KANK2: variants seen among roughly 807,000 people sequenced by gnomAD.
KANK2 encodes the protein KN motif and ankyrin repeat domain-containing protein 2.
A neutral mutation model predicts 74.6 loss-of-function variants in KANK2; 41 were observed. That is an observed-to-expected ratio of 0.55 (90% CI 0.43 to 0.71). The LOEUF (loss-of-function observed/expected upper bound fraction) is 0.71. KANK2 is among the 30% of genes least tolerant of loss of function. The pLI is 0.00. For synonymous variants in KANK2, 537 were observed against 519.0 expected, an observed-to-expected ratio of 1.03 and a Z score of -0.47; for missense variants, 1,148 against 1,196.4, an observed-to-expected ratio of 0.96 and a Z score of 0.60.
At position 11,170,350 on chromosome 19, in the gene KANK2, A is replaced by C. The variant is rs552789510; in HGVS notation, c.2212-102T>G. The stretch of plus-strand genomic sequence containing the variant: ...AGCTCCCACATACTCTGATGGTGAA[A>C]TGTACCCTCAACTTGCTGATCTCCT... On this transcript the variant is annotated intron_variant, in intron 10 of 12. Transcript: ENST00000586659. The surrounding 1 kb of genome is among the most constrained non-coding windows in gnomAD (Gnocchi z 5.2). 6.9e-6 allele frequency: 6 copies of C among 869,818 alleles called. No individual in the cohort carries two copies. The East Asian group carries it at 7.7e-5, about 11-fold the overall frequency. 53.9% of individuals were successfully genotyped at this position (869,818 alleles called of 1,614,324 possible). A position where few individuals can be genotyped will look rare whatever the true frequency, so the allele number is the denominator to read the frequency against.
At chr19:11,169,678 G>A in intron 12 of KANK2, 199 bp downstream of exon 12, 1 of 600,088 alleles carries the variant, frequency 1.7e-6, no homozygotes, top group African/African-American at 1.9e-5. Context: ...GTGCACACCT[G>A]TTATCCCAGC....
chr19:11,167,658 T>G (rs767308320), intron 12 of KANK2, among the ~76,000 whole-genome samples: 7 of 151,578 alleles, frequency 4.6e-5, no homozygotes, highest in East Asian at 3.9e-4. Flanking sequence ...CTCCCGAGTA[T>G]CTGGGATTAC....
At chr19:11,178,490 G>T in intron 5 of KANK2, 43 bp from the exon 6 acceptor site, 1 of 1,600,466 alleles carries the variant, frequency 6.2e-7, no homozygotes, top group Non-Finnish European at 8.5e-7. Flanking sequence ...GTCCTTCAGG[G>T]CCAGACTCCG....
intron 10 of KANK2, among the ~76,000 whole-genome samples, chr19:11,171,877 T>A (rs1476507565): frequency 6.7e-6 from 1 of 150,060 alleles, no homozygotes; most frequent in Admixed American, 6.7e-5. Context: ...GGTTTCACCA[T>A]GTTGATTAGG....
intron 6 of KANK2, 63 bp downstream of exon 6, chr19:11,178,282 T>A: frequency 8.8e-7 from 1 of 1,133,440 alleles, no homozygotes; most frequent in Non-Finnish European, 1.1e-6. Context: ...GAGGCTCTCG[T>A]GCGTGGATGA....
At position 11,164,978 on chromosome 19, in the gene KANK2, G is replaced by A. The variant is rs1218490717; in HGVS notation, c.*1580C>T. The A allele has an allele frequency of 6.6e-6, 1 of 152,124 alleles. No individual in the cohort carries two copies. Among genetic ancestry groups the A allele is most frequent in the African/African-American group, 2.4e-5 (1 of 41,412 alleles). 9.4% of individuals were successfully genotyped at this position (152,124 alleles called of 1,614,324 possible). A position where few individuals can be genotyped will look rare whatever the true frequency, so the allele number is the denominator to read the frequency against. On this transcript the variant is annotated 3_prime_UTR_variant, in exon 13 of 13. Transcript: ENST00000586659. Reference sequence around the variant, plus strand: ...GAGGCTGAGCTCACTGGCCTCGAAAGGGCAGCGCGCGTATTTGGTTTGGAG... The same window carrying A: ...GAGGCTGAGCTCACTGGCCTCGAAAAGGCAGCGCGCGTATTTGGTTTGGAG...
Position 11,193,085 on chromosome 19 carries a change from A to C in KANK2, c.995T>G (p.Val332Gly). ...CTCCACCTCCCGTGGCCCTTCTACC[A>C]CCCGGACTGTATCCACGCGGACCGG... The part of the protein sequence containing the change: ...DSPVRVDTVR[V>G]VEGPREVEVV... Residue 332 changes from valine (V) to glycine (G), a missense_variant, in exon 4 of 13, where the codon GTG becomes GGG. Val to Gly is a moderately radical substitution (Grantham distance 109). Coordinates refer to ENST00000586659, the MANE Select transcript of KANK2 (RefSeq NM_001136191.3). This position sits in a 1 kb window ranked among gnomAD's most constrained non-coding sequence, Gnocchi z 9.6. 1 of 1,608,350 alleles carries C rather than the reference A, an allele frequency of 6.2e-7. No individual in the cohort carries two copies. The highest frequency in any genetic ancestry group is 8.5e-7 in the Non-Finnish European group (1 of 1,177,686).
Position 11,176,588 on chromosome 19 carries a change from C to A in KANK2, c.1750G>T (p.Glu584Ter), listed in dbSNP as rs554030151. Residue 584 changes from glutamate to a stop codon, truncating the protein, a stop_gained, in exon 7 of 13, where the codon GAG becomes TAG. Coordinates refer to ENST00000586659, the MANE Select transcript of KANK2 (RefSeq NM_001136191.3). LOFTEE classifies it high-confidence loss of function. ...ACCCAGAAAACTGACCTGATCTCCTCCTCCGTGTTTGATCCTGATGCCCCC... is the reference window on the plus strand; with the variant it reads ...ACCCAGAAAACTGACCTGATCTCCTACTCCGTGTTTGATCCTGATGCCCCC... ...AEGASGSNTE[E>*]EIRMELSPDL... 2.5e-6 allele frequency: 4 copies of A among 1,588,030 alleles called. No individual in the cohort carries two copies. Among genetic ancestry groups the A allele is most frequent in the Non-Finnish European group, 3.4e-6 (4 of 1,164,618 alleles).
At position 11,176,046 on chromosome 19, in the gene KANK2, G is replaced by A. The variant is rs577807292; in HGVS notation, c.1761-57C>T. 3 of 1,377,682 alleles carry A rather than the reference G, an allele frequency of 2.2e-6. No homozygotes were observed. In the African/African-American group the frequency reaches 4.3e-5, roughly 20 times the overall value. The allele number at this position is 1,377,682 out of a possible 1,614,324, so 85.3% of individuals were successfully genotyped here. A position where few individuals can be genotyped will look rare whatever the true frequency, so the allele number is the denominator to read the frequency against. On this transcript the variant is annotated intron_variant, in intron 7 of 12. Transcript: ENST00000586659. Reference sequence around the variant, plus strand: ...TAAGCCCCGCTGCGGTGCCTGGGAAGGGACTTGACATTCTGCACCACGTCA... The same window carrying A: ...TAAGCCCCGCTGCGGTGCCTGGGAAAGGACTTGACATTCTGCACCACGTCA...
rs372653569 is a variant in KANK2, at chr19:11,169,863, G to A, written c.2502+14C>T. On this transcript the variant is annotated intron_variant, in intron 12 of 12. Coordinates refer to ENST00000586659, the MANE Select transcript of KANK2 (RefSeq NM_001136191.3). ...CCACCCATCCCGTGCCTACCCGGCCGGATTGAGACTCACCGAGCACTTGAT... is the reference window on the plus strand; with the variant it reads ...CCACCCATCCCGTGCCTACCCGGCCAGATTGAGACTCACCGAGCACTTGAT... 2.4e-5 allele frequency: 39 copies of A among 1,609,212 alleles called. No individual in the cohort carries two copies. Among genetic ancestry groups the A allele is most frequent in the Middle Eastern group, 1.6e-4 (1 of 6,082 alleles).
chr19:11,172,328 A>G (rs2078201102), intron 10 of KANK2, among the ~76,000 whole-genome samples: 1 of 152,150 alleles, frequency 6.6e-6, no homozygotes, highest in African/African-American at 2.4e-5. Flanking sequence ...AATTAAAACA[A>G]AATTAAATCA....
At chr19:11,192,431 C>CTTTTTTTTTTT (rs34285924) in intron 4 of KANK2, 1 of 156,538 alleles carries the variant, frequency 6.4e-6, no homozygotes, top group Non-Finnish European at 1.2e-5. Context: ...CCTTGGCATT[C>CTTTTTTTTTTT]TTTTTTTTTT....
Position 11,185,413 on chromosome 19 carries a change from T to G in KANK2, c.1250-6693A>C, listed in dbSNP as rs140907795. 7.0e-4 allele frequency among the ~76,000 whole-genome samples: 105 copies of G among 149,438 alleles called. 4 individuals are homozygous for G. The Middle Eastern group carries it at 0.014, about 20-fold the overall frequency. ...CCAGGCTGGTCTCAAACTCCTGGCCTCAAGTGATCCTTCTGCCTTGGCCTC... is the reference window on the plus strand; with the variant it reads ...CCAGGCTGGTCTCAAACTCCTGGCCGCAAGTGATCCTTCTGCCTTGGCCTC... On this transcript the variant is annotated intron_variant, in intron 4 of 12. Coordinates refer to ENST00000586659, the MANE Select transcript of KANK2 (RefSeq NM_001136191.3).
At chr19:11,189,098 T>TCCCCCCCCCC (rs71297565) in intron 4 of KANK2, among the ~76,000 whole-genome samples, 16 of 126,566 alleles carry the variant, frequency 1.3e-4, no homozygotes, top group Admixed American at 3.7e-4. Flanking sequence ...ATTGATTCTC[T>TCCCCCCCCCC]CCCCCCCCAC....
chr19:11,195,993 G>T (rs940449843), intron 1 of KANK2, 173 bp from the exon 2 acceptor site: 1 of 152,290 alleles, frequency 6.6e-6, no homozygotes, highest in African/African-American at 2.4e-5. Flanking sequence ...GGGTGGGCTG[G>T]GGGTGGGGGA....
At chr19:11,189,241 G>A (rs1332185038) in intron 4 of KANK2, among the ~76,000 whole-genome samples, 1 of 151,912 alleles carries the variant, frequency 6.6e-6, no homozygotes, top group Admixed American at 6.6e-5. Context: ...ACAGGCATAA[G>A]CCACTGCGCC....
chr19:11,184,152 G>A (rs573594323), intron 4 of KANK2, among the ~76,000 whole-genome samples: 3 of 152,208 alleles, frequency 2.0e-5, no homozygotes, highest in Admixed American at 1.3e-4. Context: ...CAAGGTGGGC[G>A]GATCACTTGA....
chr19:11,197,816 T>A (rs2079067852), upstream of KANK2: 1 of 151,836 alleles, frequency 6.6e-6, no homozygotes, highest in South Asian at 2.1e-4. Flanking sequence ...CACCGCCTGC[T>A]GTCCCTGGGC....
intron 12 of KANK2, among the ~76,000 whole-genome samples, chr19:11,168,665 A>G (rs2078090630): frequency 1.3e-5 from 2 of 152,144 alleles, no homozygotes; most frequent in South Asian, 4.2e-4. Context: ...GGGACTACCT[A>G]GAACTGGGCC....
Sources: allele counts gnomAD v4.1 joint callset (sites outside exome capture counted in the v4.1 genomes callset), GRCh38; gene constraint gnomAD v4.1.1; non-coding constraint Gnocchi (gnomAD v3.1); transcripts MANE v1.5; gene names NCBI Gene and HGNC (gene_info 2026-07-23, HGNC 2026-07-21).